Variants in SLC24A2 observed in about 807,000 individuals in gnomAD.
SLC24A2 encodes the protein solute carrier family 24 member 2.
SLC24A2 carries 36 observed loss-of-function variants against 62.0 expected under a neutral mutation model. The observed-to-expected ratio is 0.58, with a 90% CI of 0.44 to 0.77. The LOEUF is 0.77. Ranked by LOEUF, SLC24A2 falls within the 30% of genes least tolerant of loss-of-function variation. SLC24A2 has a pLI of 0.00. For missense variants in SLC24A2, 846 were observed against 817.9 expected, an observed-to-expected ratio of 1.03 and a Z score of -0.42; for synonymous variants, 358 against 294.0, an observed-to-expected ratio of 1.22 and a Z score of -2.23.
chr9:20,204,955 C>T, the SLC24A2 span, among the ~76,000 whole-genome samples: 1 of 151,938 alleles, frequency 6.6e-6, no homozygotes, highest in African/African-American at 2.4e-5. Context: ...CCATGTTAGC[C>T]AGAATGGTCT....
At chr9:19,868,943 G>C in the SLC24A2 span, among the ~76,000 whole-genome samples, 2 of 151,856 alleles carry the variant, frequency 1.3e-5, no homozygotes, top group Non-Finnish European at 2.9e-5. Context: ...TTTTGAGTGG[G>C]TGTTTAGTTC....
chr9:20,266,509 C>G, the SLC24A2 span, among the ~76,000 whole-genome samples: 1 of 152,058 alleles, frequency 6.6e-6, no homozygotes, highest in African/African-American at 2.4e-5. Flanking sequence ...CCTTCGATAA[C>G]TGCTTTTCAA....
At chr9:20,221,955 AGAAAT>A in the SLC24A2 span, among the ~76,000 whole-genome samples, 2 of 152,138 alleles carry the variant, frequency 1.3e-5, no homozygotes, top group Non-Finnish European at 2.9e-5. Context: ...CCCAGAAAAA[AGAAAT>A]GAAACAGTGA....
At chr9:19,636,386 T>TCTTCCTCCCTCCCTCCCTCC (rs1554690439) in intron 2 of SLC24A2, among the ~76,000 whole-genome samples, 11 of 23,400 alleles carry the variant, frequency 4.7e-4, no homozygotes, top group African/African-American at 1.3e-3. Context: ...TTTCTTTCTT[T>TCTTCCTCCCTCCCTCCCTCC]CTCCCTCTCT....
the SLC24A2 span, among the ~76,000 whole-genome samples, chr9:19,794,981 GAA>G: frequency 3.0e-4 from 45 of 152,282 alleles, no homozygotes; most frequent in African/African-American, 1.1e-3. Context: ...TAAAATACTG[GAA>G]AAGAGGAGCC....
the SLC24A2 span, among the ~76,000 whole-genome samples, chr9:19,813,179 G>A: frequency 6.6e-6 from 1 of 151,996 alleles, no homozygotes; most frequent in African/African-American, 2.4e-5. Flanking sequence ...ATCTCTACTG[G>A]TTTCCCAGTT....
chr9:19,754,289 C>T (rs1822069722), intron 2 of SLC24A2, among the ~76,000 whole-genome samples: 2 of 152,180 alleles, frequency 1.3e-5, no homozygotes, highest in South Asian at 4.1e-4. Context: ...CTTCCTGAAG[C>T]CACCCGTCTA....
chr9:19,631,696 C>T (rs751201349), intron 2 of SLC24A2, among the ~76,000 whole-genome samples: 1 of 152,138 alleles, frequency 6.6e-6, no homozygotes, highest in Non-Finnish European at 1.5e-5. Flanking sequence ...AGGAAACTCA[C>T]CATGAGGCAC....
intron 5 of SLC24A2, among the ~76,000 whole-genome samples, chr9:19,589,341 A>G (rs1172257787): frequency 2.6e-5 from 4 of 152,230 alleles, no homozygotes; most frequent in African/African-American, 9.6e-5. Context: ...GATCTCCAAG[A>G]TGCAATTAAT....
the SLC24A2 span, among the ~76,000 whole-genome samples, chr9:20,285,943 G>GACTT: frequency 5.9e-5 from 9 of 152,276 alleles, no homozygotes; most frequent in South Asian, 1.9e-3. Context: ...CTTGATCTTG[G>GACTT]ACTTCCAGCC....
the SLC24A2 span, among the ~76,000 whole-genome samples, chr9:19,839,607 G>T: frequency 6.6e-6 from 1 of 152,048 alleles, no homozygotes; most frequent in Admixed American, 6.6e-5. Flanking sequence ...TGAAGTAAAG[G>T]TCAAAATCTG....
intron 10 of SLC24A2, among the ~76,000 whole-genome samples, chr9:19,517,743 G>A (rs1041343322): frequency 1.3e-5 from 2 of 152,024 alleles, no homozygotes; most frequent in Admixed American, 6.6e-5. Context: ...AGCAGGAGGG[G>A]GCAGCCTTGG....
the SLC24A2 span, among the ~76,000 whole-genome samples, chr9:20,131,412 A>G: frequency 6.6e-6 from 1 of 152,156 alleles, no homozygotes; most frequent in East Asian, 1.9e-4. Flanking sequence ...AGGGATAAGC[A>G]CACCTGTCAA....
intron 7 of SLC24A2, among the ~76,000 whole-genome samples, chr9:19,560,309 C>T (rs1835327477): frequency 8.4e-6 from 1 of 118,450 alleles, no homozygotes; most frequent in African/African-American, 3.1e-5. Context: ...CCGCCCCCCA[C>T]CCCCAATTCA....
At chr9:19,932,860 C>T in the SLC24A2 span, among the ~76,000 whole-genome samples, 1 of 152,210 alleles carries the variant, frequency 6.6e-6, no homozygotes, top group Admixed American at 6.5e-5. Flanking sequence ...TCATCTCACC[C>T]CGTCCTACTC....
chr9:19,529,305 A>G (rs1833586178), intron 8 of SLC24A2, among the ~76,000 whole-genome samples: 1 of 152,218 alleles, frequency 6.6e-6, no homozygotes, highest in Non-Finnish European at 1.5e-5. Context: ...ATGGCTTTTG[A>G]GAGCTCCATT....
the SLC24A2 span, among the ~76,000 whole-genome samples, chr9:19,919,218 G>A: frequency 6.6e-6 from 1 of 152,134 alleles, no homozygotes; most frequent in Non-Finnish European, 1.5e-5. Flanking sequence ...CTCCCGGGGG[G>A]TTCAGCTTAG....
the SLC24A2 span, among the ~76,000 whole-genome samples, chr9:19,968,736 C>T: frequency 2.0e-5 from 3 of 152,290 alleles, no homozygotes; most frequent in African/African-American, 4.8e-5. Context: ...CCCTCTAATG[C>T]TCTGCTTTTT....
the SLC24A2 span, among the ~76,000 whole-genome samples, chr9:20,088,665 G>C: frequency 3.9e-5 from 6 of 152,286 alleles, no homozygotes; most frequent in African/African-American, 1.4e-4. Context: ...GGAGGTTGGA[G>C]CAGACCCCCC....
Sources: gnomAD v4.1 joint callset for allele counts (sites outside exome capture counted in the v4.1 genomes callset) on GRCh38, gnomAD v4.1.1 for gene constraint, MANE v1.5 for transcripts, NCBI Gene and HGNC (gene_info 2026-07-23, HGNC 2026-07-21) for gene names.